The following NAALADL2 variants were observed in gnomAD, a reference collection of about 807,000 sequenced individuals.
The protein encoded by NAALADL2 is inactive N-acetylated-alpha-linked acidic dipeptidase-like protein 2.
A neutral mutation model predicts 87.2 loss-of-function variants in NAALADL2; 76 were observed. The observed-to-expected ratio is 0.87, with a 90% CI of 0.72 to 1.05. The LOEUF (loss-of-function observed/expected upper bound fraction) is 1.05. Among genes scored for constraint, NAALADL2 ranks in the 50% least tolerant of loss-of-function variants. The pLI is 0.00. For synonymous variants in NAALADL2, 354 were observed against 331.0 expected (o/e 1.07, Z -0.75); for missense variants, 1,089 against 945.8 (o/e 1.15, Z -1.99).
chr3:174,551,065 A>G (rs1269362079), intron 2 of NAALADL2: 1 of 152,098 alleles, frequency 6.6e-6, no homozygotes, highest in African/African-American at 2.4e-5. Flanking sequence ...ACATATGTAT[A>G]CATGTGCCAT....
chr3:175,462,985 C>T (rs1404461090), intron 6 of NAALADL2, among the ~76,000 whole-genome samples: 1 of 152,106 alleles, frequency 6.6e-6, no homozygotes, highest in Admixed American at 6.6e-5. Context: ...TTATTGTCCA[C>T]ATGTTCTTTA....
intron 11 of NAALADL2, among the ~76,000 whole-genome samples, chr3:175,643,594 T>C (rs545967441): frequency 6.6e-6 from 1 of 152,288 alleles, no homozygotes; most frequent in African/African-American, 2.4e-5. Flanking sequence ...GTAACTGAGC[T>C]GAAGTTTTAA....
At chr3:175,168,422 T>C (rs1734300082) in intron 2 of NAALADL2, among the ~76,000 whole-genome samples, 1 of 151,848 alleles carries the variant, frequency 6.6e-6, no homozygotes, top group Non-Finnish European at 1.5e-5. Flanking sequence ...ATGAGAAATG[T>C]TCAAGACAGT....
At chr3:175,415,611 G>T (rs918968123) in intron 5 of NAALADL2, among the ~76,000 whole-genome samples, 1 of 151,962 alleles carries the variant, frequency 6.6e-6, no homozygotes, top group African/African-American at 2.4e-5. Flanking sequence ...AACTCATACA[G>T]TAATACTCAG....
intron 9 of NAALADL2, among the ~76,000 whole-genome samples, chr3:175,540,340 G>T (rs1316032134): frequency 1.3e-5 from 2 of 152,132 alleles, no homozygotes; most frequent in African/African-American, 2.4e-5. Context: ...GCCTGAAGTG[G>T]CAGTATGTTA....
At chr3:175,667,557 C>A (rs897617123) in intron 11 of NAALADL2, among the ~76,000 whole-genome samples, 1 of 152,060 alleles carries the variant, frequency 6.6e-6, no homozygotes, top group African/African-American at 2.4e-5. Context: ...TTTATTGATG[C>A]TGGCCAAGAG....
At chr3:174,471,839 T>G (rs1193724567) in intron 1 of NAALADL2, among the ~76,000 whole-genome samples, 1 of 152,152 alleles carries the variant, frequency 6.6e-6, no homozygotes, top group Non-Finnish European at 1.5e-5. Context: ...GCTATTCCTG[T>G]CAATAACTTT....
intron 11 of NAALADL2, among the ~76,000 whole-genome samples, chr3:175,691,454 G>A (rs989617150): frequency 5.9e-5 from 9 of 151,748 alleles, no homozygotes; most frequent in East Asian, 3.9e-4. Flanking sequence ...TGTGCCTTAT[G>A]AAACTATTAA....
At chr3:174,857,307 A>G (rs1198652106), upstream of NAALADL2, among the ~76,000 whole-genome samples, 2 of 152,172 alleles carry the variant, frequency 1.3e-5, no homozygotes, top group Non-Finnish European at 2.9e-5. Flanking sequence ...ATTGCAACTG[A>G]TTCTTTTCTA....
chr3:174,760,379 G>A (rs1712762765), intron 3 of NAALADL2, among the ~76,000 whole-genome samples: 1 of 152,128 alleles, frequency 6.6e-6, no homozygotes, highest in African/African-American at 2.4e-5. Flanking sequence ...AATTTTCCAG[G>A]TCAGCCAATA....
intron 1 of NAALADL2, among the ~76,000 whole-genome samples, chr3:174,866,730 T>G (rs1168773128): frequency 2.0e-5 from 3 of 151,824 alleles, no homozygotes; most frequent in Non-Finnish European, 4.4e-5. Flanking sequence ...ATAACGACTT[T>G]ATAACCTTCA....
intron 3 of NAALADL2, among the ~76,000 whole-genome samples, chr3:175,249,668 T>A (rs1351825405): frequency 6.6e-6 from 1 of 152,180 alleles, no homozygotes; most frequent in African/African-American, 2.4e-5. Context: ...CCTCCCAGTA[T>A]AAAAGTCTTA....
intron 3 of NAALADL2, among the ~76,000 whole-genome samples, chr3:174,759,103 A>G (rs893973105): frequency 2.0e-5 from 3 of 152,180 alleles, no homozygotes; most frequent in Admixed American, 6.5e-5. Flanking sequence ...GAAATTTAGA[A>G]TTAACTAGAA....
chr3:175,029,668 A>G (rs962969462), intron 1 of NAALADL2, among the ~76,000 whole-genome samples: 1 of 152,088 alleles, frequency 6.6e-6, no homozygotes, highest in Non-Finnish European at 1.5e-5. Flanking sequence ...GAAAAATGAA[A>G]TAAGTCTAAA....
At chr3:174,882,676 T>C (rs573979124) in intron 1 of NAALADL2, among the ~76,000 whole-genome samples, 15 of 132,194 alleles carry the variant, frequency 1.1e-4, no homozygotes, top group African/African-American at 5.9e-4. Flanking sequence ...TACACATATG[T>C]GTATATGTGT....
At chr3:174,657,644 T>G (rs570794554) in intron 2 of NAALADL2, among the ~76,000 whole-genome samples, 11 of 152,164 alleles carry the variant, frequency 7.2e-5, no homozygotes, top group Non-Finnish European at 1.5e-4. Flanking sequence ...CCAAAGGGCA[T>G]AATTGACATC....
chr3:174,710,130 T>C (rs1328207637), intron 2 of NAALADL2, among the ~76,000 whole-genome samples: 1 of 152,144 alleles, frequency 6.6e-6, no homozygotes, highest in East Asian at 1.9e-4. Flanking sequence ...ATCTAGGTAC[T>C]GCTGTGAAAA....
At chr3:175,295,342 C>T (rs1035016534) in intron 4 of NAALADL2, among the ~76,000 whole-genome samples, 7 of 152,124 alleles carry the variant, frequency 4.6e-5, no homozygotes, top group African/African-American at 1.7e-4. Context: ...ATTTCAGAAA[C>T]ACCTTAGCTC....
intron 2 of NAALADL2, among the ~76,000 whole-genome samples, chr3:174,632,252 C>T (rs887709582): frequency 1.3e-5 from 2 of 152,106 alleles, no homozygotes; most frequent in South Asian, 2.1e-4. Flanking sequence ...ACGCTAAACA[C>T]GTTCAATAAA....
Sources: allele counts gnomAD v4.1 joint callset (sites outside exome capture counted in the v4.1 genomes callset), GRCh38; gene constraint gnomAD v4.1.1; transcripts MANE v1.5; gene names NCBI Gene and HGNC (gene_info 2026-07-23, HGNC 2026-07-21).